Variants in CUL1 observed in about 807,000 individuals in gnomAD.
CUL1 encodes cullin 1, also known as cullin-1.
In CUL1, 24 loss-of-function variants were observed where a neutral mutation model predicts 118.0. That is an observed-to-expected ratio of 0.20 (90% CI 0.15 to 0.29). CUL1 has a LOEUF of 0.29. Among genes scored for constraint, CUL1 ranks in the 10% least tolerant of loss-of-function variants. The probability of loss-of-function intolerance (pLI) is 1.00; values close to 1 mark genes in which losing one functional copy is unlikely to be tolerated. For synonymous variants in CUL1, 332 were observed against 340.4 expected (o/e 0.98, Z 0.27); for missense variants, 361 against 933.8 (o/e 0.39, Z 7.99).
intron 2 of CUL1, among the ~76,000 whole-genome samples, chr7:148,753,426 TC>T (rs1306104086): frequency 6.6e-6 from 1 of 152,212 alleles, no homozygotes; most frequent in Non-Finnish European, 1.5e-5. Context: ...TATACATCTC[TC>T]TCTTTCTCAG....
chr7:148,772,938 G>A (rs1267938306), intron 9 of CUL1, among the ~76,000 whole-genome samples: 1 of 151,894 alleles, frequency 6.6e-6, no homozygotes, highest in South Asian at 2.1e-4. Context: ...GTGGAGCATG[G>A]GAATTCCTCC....
At chr7:148,797,625 G>T (rs910689451) in intron 17 of CUL1, among the ~76,000 whole-genome samples, 187 bp from the exon 18 acceptor site, 1 of 151,816 alleles carries the variant, frequency 6.6e-6, no homozygotes, top group Admixed American at 6.6e-5. Flanking sequence ...AGTCAGGGTG[G>T]AAGGAAGCAG....
chr7:148,738,248 G>A (rs1799026778), intron 2 of CUL1, among the ~76,000 whole-genome samples: 1 of 152,168 alleles, frequency 6.6e-6, no homozygotes, highest in African/African-American at 2.4e-5. Flanking sequence ...CTGAACTCCA[G>A]GAAGGCAGTC....
intron 2 of CUL1, among the ~76,000 whole-genome samples, chr7:148,739,307 G>A (rs1247827856): frequency 6.6e-6 from 1 of 152,146 alleles, no homozygotes; most frequent in Non-Finnish European, 1.5e-5. Flanking sequence ...TAGTTCAGTT[G>A]ATTTAAAGCT....
chr7:148,716,135 GTTC>G (rs1798207778), intron 1 of CUL1, among the ~76,000 whole-genome samples: 1 of 151,974 alleles, frequency 6.6e-6, no homozygotes, highest in Non-Finnish European at 1.5e-5. Context: ...GCTCCAAGAT[GTTC>G]TTCTAGATTT....
chr7:148,747,144 G>T (rs1168011032), intron 2 of CUL1, among the ~76,000 whole-genome samples: 2 of 152,170 alleles, frequency 1.3e-5, no homozygotes, highest in Admixed American at 1.3e-4. Context: ...GTGTAATTGT[G>T]TACACTCTTA....
chr7:148,722,996 T>C (rs1798443630), intron 1 of CUL1, among the ~76,000 whole-genome samples: 1 of 152,228 alleles, frequency 6.6e-6, no homozygotes, highest in South Asian at 2.1e-4. Flanking sequence ...CCCCACCTGT[T>C]CCAGTTAGAT....
At chr7:148,756,638 A>T (rs1332321995) in intron 3 of CUL1, among the ~76,000 whole-genome samples, 2 of 151,532 alleles carry the variant, frequency 1.3e-5, no homozygotes, top group Non-Finnish European at 2.9e-5. Flanking sequence ...TACCCAGCCA[A>T]TTTTTTTTTA....
intron 15 of CUL1, 94 bp downstream of exon 15, chr7:148,789,920 C>T (rs1028438830): frequency 6.1e-6 from 7 of 1,154,490 alleles, no homozygotes; most frequent in Non-Finnish European, 7.8e-6. Context: ...TGCAGATGGC[C>T]TTCCTGCTGG....
At chr7:148,790,205 C>T (rs1800958120) in intron 15 of CUL1, 105 bp from the exon 16 acceptor site, 1 of 1,227,898 alleles carries the variant, frequency 8.1e-7, no homozygotes. Flanking sequence ...TTTATGTAAG[C>T]ACTGACTTTG....
intron 17 of CUL1, among the ~76,000 whole-genome samples, chr7:148,794,365 A>T (rs1172774844): frequency 6.6e-6 from 1 of 152,180 alleles, no homozygotes; most frequent in Admixed American, 6.5e-5. Flanking sequence ...AACTTGTCAA[A>T]AGTCAGTTGG....
chr7:148,758,926 A>C (rs887294957), intron 4 of CUL1, among the ~76,000 whole-genome samples: 2 of 152,174 alleles, frequency 1.3e-5, no homozygotes, highest in African/African-American at 4.8e-5. Context: ...TGAGACTCAA[A>C]AGTTGTTAGT....
chr7:148,770,993 T>A (rs1800190034), intron 9 of CUL1, among the ~76,000 whole-genome samples: 1 of 152,240 alleles, frequency 6.6e-6, no homozygotes, highest in South Asian at 2.1e-4. Context: ...TTTTAAAGTT[T>A]AAAAATTTTT....
At chr7:148,747,806 A>G (rs868017292) in intron 2 of CUL1, among the ~76,000 whole-genome samples, 3 of 152,236 alleles carry the variant, frequency 2.0e-5, no homozygotes, top group African/African-American at 4.8e-5. Flanking sequence ...CACAACCAAA[A>G]GAGAATCACT....
chr7:148,700,434 A>C (rs1797687403), intron 1 of CUL1, among the ~76,000 whole-genome samples: 1 of 152,230 alleles, frequency 6.6e-6, no homozygotes, highest in African/African-American at 2.4e-5. Context: ...TGGAGAGTGT[A>C]TTACGTAGTA....
intron 4 of CUL1, among the ~76,000 whole-genome samples, chr7:148,758,531 C>T (rs529487491): frequency 1.6e-4 from 24 of 152,252 alleles, no homozygotes; most frequent in African/African-American, 5.1e-4. Context: ...GTGGAAGCAT[C>T]ACTTGAGCCC....
At chr7:148,756,416 A>G (rs1034847581) in intron 3 of CUL1, among the ~76,000 whole-genome samples, 1 of 151,908 alleles carries the variant, frequency 6.6e-6, no homozygotes, top group African/African-American at 2.4e-5. Context: ...GCTCACTGCA[A>G]CCTCCGCCTC....
intron 2 of CUL1, among the ~76,000 whole-genome samples, chr7:148,753,307 G>T (rs1038415394): frequency 6.6e-6 from 1 of 152,034 alleles, no homozygotes; most frequent in Non-Finnish European, 1.5e-5. Flanking sequence ...ATATTTAAAG[G>T]ATACAACAGA....
In CUL1 at chr7:148,756,989, G is replaced by A; in HGVS notation, c.322G>A (p.Glu108Lys). Residue 108 changes from glutamate to lysine, a missense_variant, in exon 4 of 22, where the codon GAA (glutamate) becomes AAA (lysine). Glu to Lys is a moderately conservative substitution (Grantham distance 56). Coordinates refer to ENST00000325222, the MANE Select transcript of CUL1 (RefSeq NM_003592.3). ...NYLTNLLKDG[E>K]DLMDESVLKF... ...TTAGTTAACTTGTTTTTAGGATGGA[G>A]AAGATTTGATGGATGAGAGTGTACT... 6.3e-7 allele frequency: 1 copy of A among 1,578,460 alleles called. No homozygotes were observed. Among genetic ancestry groups the A allele is most frequent in the African/African-American group, 1.4e-5 (1 of 73,738 alleles).
Sources: allele counts gnomAD v4.1 joint callset (sites outside exome capture counted in the v4.1 genomes callset), GRCh38; gene constraint gnomAD v4.1.1; transcripts MANE v1.5; gene names NCBI Gene and HGNC (gene_info 2026-07-23, HGNC 2026-07-21).